The following CYB5R4 variants were observed in gnomAD, a reference collection of about 807,000 sequenced individuals.
The protein encoded by CYB5R4 is cytochrome b5 reductase 4.
In CYB5R4, 55 loss-of-function variants were observed where a neutral mutation model predicts 70.2. The ratio of observed to expected loss-of-function variants is 0.78; its 90% CI spans 0.63 to 0.98. The LOEUF is 0.98. Ranked by LOEUF, CYB5R4 falls within the 50% of genes least tolerant of loss-of-function variation. The probability of loss-of-function intolerance (pLI) is 0.00; values close to 1 mark genes in which losing one functional copy is unlikely to be tolerated. For synonymous variants in CYB5R4, 197 were observed against 199.5 expected (o/e 0.99, Z 0.11); for missense variants, 562 against 612.6 (o/e 0.92, Z 0.87).
At chr6:83,922,046 A>C (rs934128994) in intron 8 of CYB5R4, among the ~76,000 whole-genome samples, 1 of 152,170 alleles carries the variant, frequency 6.6e-6, no homozygotes, top group African/African-American at 2.4e-5. Context: ...CTAGACCCAG[A>C]CCTGGCCTCT....
At chr6:83,878,808 T>C (rs1195264655) in intron 2 of CYB5R4, among the ~76,000 whole-genome samples, 2 of 152,152 alleles carry the variant, frequency 1.3e-5, no homozygotes, top group Non-Finnish European at 2.9e-5. Flanking sequence ...TGTATTTTGC[T>C]ATTGTTACCA....
chr6:83,873,145 T>G (rs771054735), intron 2 of CYB5R4, among the ~76,000 whole-genome samples: 3 of 152,178 alleles, frequency 2.0e-5, no homozygotes, highest in Non-Finnish European at 2.9e-5. Context: ...TAACATAAAT[T>G]AATTAAGAAA....
intron 14 of CYB5R4, among the ~76,000 whole-genome samples, chr6:83,946,294 A>G (rs543077138): frequency 2.2e-4 from 34 of 152,370 alleles, no homozygotes; most frequent in African/African-American, 8.2e-4. Flanking sequence ...AACGTATTGC[A>G]TCACATAAAC....
chr6:83,894,497 GC>G, intron 3 of CYB5R4, among the ~76,000 whole-genome samples: 1 of 151,986 alleles, frequency 6.6e-6, no homozygotes, highest in South Asian at 2.1e-4. Context: ...TGACCATGTT[GC>G]CAGAAATAGA....
At chr6:83,917,294 G>A (rs763491450) in intron 5 of CYB5R4, among the ~76,000 whole-genome samples, 9 of 152,126 alleles carry the variant, frequency 5.9e-5, no homozygotes, top group Non-Finnish European at 2.9e-5. Flanking sequence ...GTGGTAAAAA[G>A]TGTAAATTGG....
chr6:83,916,154 G>T (rs1305403242), intron 5 of CYB5R4, among the ~76,000 whole-genome samples: 2 of 151,388 alleles, frequency 1.3e-5, no homozygotes, highest in African/African-American at 4.9e-5. Context: ...TTTGATTATT[G>T]TCTCATTTGC....
At chr6:83,891,729 C>T (rs979464439) in intron 2 of CYB5R4, among the ~76,000 whole-genome samples, 5 of 151,990 alleles carry the variant, frequency 3.3e-5, no homozygotes, top group African/African-American at 1.2e-4. Context: ...GATCCTAGCC[C>T]CTATCAGAAA....
At chr6:83,941,804 C>T (rs898583857) in intron 14 of CYB5R4, among the ~76,000 whole-genome samples, 1 of 152,106 alleles carries the variant, frequency 6.6e-6, no homozygotes, top group Non-Finnish European at 1.5e-5. Flanking sequence ...TAAAGAAGTT[C>T]AAGTTCTTAG....
chr6:83,923,064 T>C (rs1257233631), intron 9 of CYB5R4, among the ~76,000 whole-genome samples: 1 of 151,862 alleles, frequency 6.6e-6, no homozygotes, highest in Non-Finnish European at 1.5e-5. Context: ...AAAAAATCTG[T>C]CTCCTTTTTA....
intron 2 of CYB5R4, among the ~76,000 whole-genome samples, chr6:83,891,083 T>C (rs2099461057): frequency 6.6e-6 from 1 of 152,082 alleles, no homozygotes; most frequent in Admixed American, 6.6e-5. Flanking sequence ...GCAGGGGGAC[T>C]ACAGGCACAC....
intron 5 of CYB5R4, among the ~76,000 whole-genome samples, chr6:83,915,379 C>G (rs898757942): frequency 3.3e-5 from 5 of 152,184 alleles, no homozygotes; most frequent in African/African-American, 1.2e-4. Flanking sequence ...ATATTGTGGA[C>G]TAATTTATGC....
At chr6:83,895,902 G>A (rs530680562) in intron 3 of CYB5R4, among the ~76,000 whole-genome samples, 86 of 152,262 alleles carry the variant, frequency 5.6e-4, no homozygotes, top group African/African-American at 2.1e-3. Context: ...TATTTTAGCT[G>A]CACAAATAAT....
intron 9 of CYB5R4, among the ~76,000 whole-genome samples, chr6:83,924,169 ATGTCAATTAGT>A (rs1413386847): frequency 2.6e-5 from 1 of 38,782 alleles, no homozygotes; most frequent in African/African-American, 1.1e-4. Flanking sequence ...TGTTAGCTTT[ATGTCAATTAGT>A]TGCCATGGCT....
At chr6:83,863,345 T>C (rs2099456250) in intron 1 of CYB5R4, among the ~76,000 whole-genome samples, 1 of 152,168 alleles carries the variant, frequency 6.6e-6, no homozygotes, top group Non-Finnish European at 1.5e-5. Flanking sequence ...GGCCATAGTT[T>C]GCCACCCCTT....
intron 10 of CYB5R4, among the ~76,000 whole-genome samples, chr6:83,928,589 G>T (rs532742241): frequency 3.9e-5 from 6 of 152,258 alleles, no homozygotes; most frequent in South Asian, 4.1e-4. Context: ...GCATTTTGCT[G>T]GGTGTAGAGA....
At chr6:83,914,702 A>T (rs1259853049) in intron 5 of CYB5R4, among the ~76,000 whole-genome samples, 2 of 151,870 alleles carry the variant, frequency 1.3e-5, no homozygotes, top group African/African-American at 4.8e-5. Context: ...ACACCTGGCT[A>T]ATTTTTGTAT....
rs151286530 is a variant in CYB5R4, at chr6:83,910,355, T to C, written c.412+1265T>C. 2,232 of 543,760 alleles carry C rather than the reference T, an allele frequency of 4.1e-3. 86 individuals carry two copies. In the Admixed American group the frequency reaches 0.063, roughly 15 times the overall value. 33.7% of individuals were successfully genotyped at this position (543,760 alleles called of 1,614,324 possible). ...AGGGGAGAAGTAAGACGGTTACTGG[T>C]GGAGAGAGGGAGGCTGGGAGTCATT... On this transcript the variant is annotated intron_variant, in intron 4 of 15. Coordinates refer to ENST00000369681, the MANE Select transcript of CYB5R4 (RefSeq NM_016230.4).
chr6:83,947,658 C>T (rs2099470831), intron 14 of CYB5R4, among the ~76,000 whole-genome samples: 3 of 152,098 alleles, frequency 2.0e-5, no homozygotes, highest in African/African-American at 7.2e-5. Context: ...TGACAAAGGG[C>T]TAATATCCAG....
Position 83,877,306 on chromosome 6 carries a change from A to T in CYB5R4, c.229+12978A>T, listed in dbSNP as rs2099458726. 3.3e-5 allele frequency among the ~76,000 whole-genome samples: 5 copies of T among 152,128 alleles called. No individual in the cohort carries two copies. The South Asian group carries it at 1.0e-3, about 31-fold the overall frequency. On this transcript the variant is annotated intron_variant, in intron 2 of 15. Coordinates refer to ENST00000369681, the MANE Select transcript of CYB5R4 (RefSeq NM_016230.4). ...TATGTCACCCTATCGTCTAGTTTGC[A>T]TAGATGAGAACTCTACCATCATTCT...
Sources: allele counts gnomAD v4.1 joint callset (sites outside exome capture counted in the v4.1 genomes callset), GRCh38; gene constraint gnomAD v4.1.1; transcripts MANE v1.5; gene names NCBI Gene and HGNC (gene_info 2026-07-23, HGNC 2026-07-21).